MPHOSPH9: variants seen among roughly 807,000 people sequenced by gnomAD.
MPHOSPH9 encodes the protein M-phase phosphoprotein 9.
A neutral mutation model predicts 145.5 loss-of-function variants in MPHOSPH9; 88 were observed. That is an observed-to-expected ratio of 0.60 (90% CI 0.51 to 0.72). The LOEUF (loss-of-function observed/expected upper bound fraction) is 0.72, where lower values mean the gene tolerates loss of function less well. Among genes scored for constraint, MPHOSPH9 ranks in the 30% least tolerant of loss-of-function variants. The pLI, the probability that MPHOSPH9 is intolerant of heterozygous loss-of-function variation, is 0.00. For missense variants in MPHOSPH9, 1,238 were observed against 1,386.6 expected (o/e 0.89, Z 1.70); for synonymous variants, 435 against 486.2 (o/e 0.89, Z 1.39).
chr12:123,240,235 G>A (rs559671077), intron 1 of MPHOSPH9, among the ~76,000 whole-genome samples: 4 of 151,640 alleles, frequency 2.6e-5, no homozygotes, highest in South Asian at 2.1e-4. Context: ...AAAGCTGGAC[G>A]TGGTGGTGGG....
At chr12:123,156,983 CT>C (rs2137825953) in intron 23 of MPHOSPH9, 75 bp from the exon 24 acceptor site, 1 of 1,104,476 alleles carries the variant, frequency 9.1e-7, no homozygotes, top group Non-Finnish European at 1.3e-6. Context: ...ACTGACCTTT[CT>C]TTTAGCAAAA....
rs1394414868 is a variant in MPHOSPH9, at chr12:123,221,480, T to G, written c.764A>C (p.Glu255Ala). The G allele has an allele frequency of 6.2e-7, 1 of 1,613,904 alleles. No individual in the cohort carries two copies. ...ATCTTCCTTTAAAGACACATGACAC[T>G]CTTCAGGAGTCTGTATATAAAAATT... The part of the protein sequence containing the change: ...NENFYIQTPE[E>A]CHVSLKEDVS... The change falls in exon 5 of 24, where the codon GAG (glutamate) becomes GCG (alanine). Residue 255 changes from glutamate to alanine, a missense_variant. This residue lies in a region of MPHOSPH9 where 837 missense variants were observed against 897.5 expected (regional missense o/e 0.93). Coordinates refer to ENST00000606320, the MANE Select transcript of MPHOSPH9 (RefSeq NM_022782.4).
At chr12:123,180,515 A>G (rs975967327) in intron 14 of MPHOSPH9, among the ~76,000 whole-genome samples, 2 of 152,202 alleles carry the variant, frequency 1.3e-5, no homozygotes, top group Non-Finnish European at 2.9e-5. Flanking sequence ...AAGAATTCAA[A>G]CATAATTGAT....
chr12:123,162,694 C>G (rs1396186074), intron 20 of MPHOSPH9: 4 of 239,400 alleles, frequency 1.7e-5, no homozygotes, highest in Non-Finnish European at 3.2e-5. Context: ...AGCCCACTTT[C>G]CTGTACAAAT....
intron 10 of MPHOSPH9, 83 bp downstream of exon 10, chr12:123,202,541 T>C: frequency 7.3e-7 from 1 of 1,366,130 alleles, no homozygotes; most frequent in East Asian, 2.4e-5. Flanking sequence ...CTTTATGCAA[T>C]ACTGAAGTTC....
intron 2 of MPHOSPH9, 27 bp from the exon 3 acceptor site, chr12:123,227,643 G>T (rs1194693515): frequency 5.0e-5 from 74 of 1,474,764 alleles, no homozygotes; most frequent in Non-Finnish European, 6.6e-5. Context: ...AATTCAAATG[G>T]TTTTCTTCAT....
rs2047596788 is a variant in MPHOSPH9, at chr12:123,230,486, T to C, written c.-122A>G. 5.6e-6 allele frequency: 3 copies of C among 538,886 alleles called. No homozygotes were observed. In the Admixed American group the frequency reaches 1.1e-4, roughly 20 times the overall value. The allele number at this position is 538,886 out of a possible 1,614,324, so 33.4% of individuals were successfully genotyped here. ...CTACTGGCATTTTCAGTGGCTAACA[T>C]TCAGAACTGTGAAATATCCTAAACT... On this transcript the variant is annotated 5_prime_UTR_variant, in exon 2 of 24. It removes an upstream start codon present in the reference 5' UTR. Coordinates refer to ENST00000606320, the MANE Select transcript of MPHOSPH9 (RefSeq NM_022782.4).
upstream of MPHOSPH9, among the ~76,000 whole-genome samples, chr12:123,234,465 G>A (rs920623246): frequency 6.6e-6 from 1 of 152,112 alleles, no homozygotes; most frequent in Non-Finnish European, 1.5e-5. Flanking sequence ...GCGCGATCTC[G>A]GCTCACTTTA....
intron 3 of MPHOSPH9, among the ~76,000 whole-genome samples, chr12:123,224,110 T>TTTTA (rs1555231852): frequency 1.1e-4 from 13 of 120,414 alleles, no homozygotes; most frequent in African/African-American, 3.8e-4. Flanking sequence ...AATTGCTAAT[T>TTTTA]TATATATATA....
rs537548582 is a variant in MPHOSPH9, at chr12:123,161,266, G to A, written c.3251C>T (p.Ser1084Leu). 3 of 1,614,084 alleles carry A rather than the reference G, an allele frequency of 1.9e-6. No individual in the cohort carries two copies. Among genetic ancestry groups the A allele is most frequent in the East Asian group, 4.5e-5 (2 of 44,876 alleles). The change falls in exon 22 of 24, where the codon TCA becomes TTA. Residue 1084 changes from serine to leucine, a missense_variant. Physicochemically the swap from Ser to Leu is moderately radical, Grantham distance 145. This residue lies in a region of MPHOSPH9 where 393 missense variants were observed against 462.5 expected (regional missense o/e 0.85). Coordinates refer to ENST00000606320, the MANE Select transcript of MPHOSPH9 (RefSeq NM_022782.4). ...CGGCTTACACTGTTCGTAGCTAACT[G>A]ATTTATTCTTCTCCCAGGCTGTTCT... Reference protein sequence around the residue: ...SVRTAWEKNKSVSYEQCKPVS... With the variant: ...SVRTAWEKNKLVSYEQCKPVS...
intron 5 of MPHOSPH9, 73 bp downstream of exon 5, chr12:123,221,299 T>C: frequency 1.7e-6 from 2 of 1,170,066 alleles, no homozygotes; most frequent in Non-Finnish European, 2.4e-6. Context: ...TCTCATTCTA[T>C]TATAGTGCAT....
chr12:123,169,981 T>C (rs2044502425), intron 16 of MPHOSPH9, among the ~76,000 whole-genome samples: 1 of 150,564 alleles, frequency 6.6e-6, no homozygotes, highest in Non-Finnish European at 1.5e-5. Context: ...TTTTTAAATG[T>C]CTTTTTTTTT....
intron 6 of MPHOSPH9, among the ~76,000 whole-genome samples, chr12:123,215,183 A>C (rs1283372971): frequency 6.6e-6 from 1 of 152,180 alleles, no homozygotes; most frequent in Non-Finnish European, 1.5e-5. Context: ...CAGAGGTTGC[A>C]GTAAGCCGAG....
At position 123,222,324 on chromosome 12, in the gene MPHOSPH9, C is replaced by CA. The variant is rs57019975; in HGVS notation, c.349-430dup. On this transcript the variant is annotated intron_variant, in intron 4 of 23. Transcript: ENST00000606320. ...TGGGTGACAGAGTGAGACCTTGTCT[C>CA]AAAAAAAAAAAAAAAAATTGATATA... is the stretch of plus-strand genomic sequence containing the variant. 1.6e-3 allele frequency among the ~76,000 whole-genome samples: 206 copies of CA among 126,106 alleles called. 1 individual carries two copies. Among genetic ancestry groups the CA allele is most frequent in the South Asian group, 3.4e-3 (14 of 4,086 alleles). 82.7% of individuals were successfully genotyped at this position (126,106 alleles called of 152,430 possible).
intron 13 of MPHOSPH9, among the ~76,000 whole-genome samples, chr12:123,184,380 C>G (rs1466671020): frequency 6.6e-6 from 1 of 152,036 alleles, no homozygotes; most frequent in East Asian, 1.9e-4. Context: ...GGTCCCCTAA[C>G]AAAATGGCTG....
upstream of MPHOSPH9, chr12:123,233,642 C>T (rs974958191): frequency 6.6e-5 from 10 of 152,246 alleles, no homozygotes; most frequent in Admixed American, 3.9e-4. Context: ...CTTGCGACCC[C>T]GAGTGGCGCA....
rs537542640 is a variant in MPHOSPH9 at position 123,221,302 on chromosome 12, T to C, written c.872+70A>G. On this transcript the variant is annotated intron_variant, in intron 5 of 23. Transcript: ENST00000606320. ...TGTTCAAATACATCTCATTCTATTA[T>C]AGTGCATTAAAAGGAACACTAGATT... The C allele has an allele frequency of 6.7e-6, 8 of 1,186,874 alleles. No homozygotes were observed. The Admixed American group carries it at 7.6e-5, about 11-fold the overall frequency. 73.5% of individuals were successfully genotyped at this position (1,186,874 alleles called of 1,614,324 possible).
At chr12:123,224,442 A>T (rs1160497695) in intron 3 of MPHOSPH9, among the ~76,000 whole-genome samples, 1 of 151,264 alleles carries the variant, frequency 6.6e-6, no homozygotes, top group Non-Finnish European at 1.5e-5. Flanking sequence ...CCGAATTTTC[A>T]TATTTTTTAG....
chr12:123,230,991 CT>C (rs2047615277), intron 1 of MPHOSPH9, among the ~76,000 whole-genome samples: 1 of 152,244 alleles, frequency 6.6e-6, no homozygotes, highest in East Asian at 1.9e-4. Context: ...GCTGCACAAC[CT>C]TGTGAACTAA....
Sources: allele counts gnomAD v4.1 joint callset (sites outside exome capture counted in the v4.1 genomes callset), GRCh38; gene constraint gnomAD v4.1.1; regional missense constraint gnomAD v4.1.1; transcripts MANE v1.5; gene names NCBI Gene and HGNC (gene_info 2026-07-23, HGNC 2026-07-21).